Variants in PDS5A observed in about 807,000 individuals in gnomAD.
PDS5A encodes the protein sister chromatid cohesion protein PDS5 homolog A.
Under a neutral mutation model 167.1 loss-of-function variants are expected in PDS5A, and 42 were observed. That is an observed-to-expected ratio of 0.25 (90% CI 0.20 to 0.33). The LOEUF (loss-of-function observed/expected upper bound fraction) is 0.33, where lower values mean the gene tolerates loss of function less well. PDS5A is among the 10% of genes least tolerant of loss of function. The pLI is 1.00. For missense variants in PDS5A, 1,033 were observed against 1,605.9 expected (o/e 0.64, Z 6.10); for synonymous variants, 553 against 554.6 (o/e 1.00, Z 0.04).
At chr4:39,879,896 T>G in intron 17 of PDS5A, 63 bp from the exon 18 acceptor site, 2 of 956,394 alleles carry the variant, frequency 2.1e-6, no homozygotes, top group Non-Finnish European at 3.4e-6. Context: ...CTAATCACAC[T>G]GTGACAGAAC....
At chr4:39,916,523 C>G (rs562751985) in intron 8 of PDS5A, among the ~76,000 whole-genome samples, 1 of 152,208 alleles carries the variant, frequency 6.6e-6, no homozygotes, top group African/African-American at 2.4e-5. Flanking sequence ...TTTTTCCTAT[C>G]TATTGCTTGT....
chr4:39,829,706 C>T (rs1715647262), intron 32 of PDS5A, among the ~76,000 whole-genome samples: 1 of 151,016 alleles, frequency 6.6e-6, no homozygotes, highest in Non-Finnish European at 1.5e-5. Flanking sequence ...AATCCCGGCA[C>T]TTTTGGAGGC....
chr4:39,919,410 C>G (rs1044305812), intron 7 of PDS5A, among the ~76,000 whole-genome samples: 1 of 152,184 alleles, frequency 6.6e-6, no homozygotes, highest in Non-Finnish European at 1.5e-5. Context: ...CTTTGGGAGG[C>G]TGAGGCAGGC....
chr4:39,867,065 AATTAG>A lies in PDS5A; in HGVS notation c.2506-73_2506-69del, dbSNP rs1480926140. ...TTCCAATTAAAGGGAAAATTAATTT[AATTAG>A]ATTAATGAGATTACTCATCTCCATC... On this transcript the variant is annotated intron_variant, in intron 22 of 32. Coordinates refer to ENST00000303538, the MANE Select transcript of PDS5A (RefSeq NM_001100399.2). 2.2e-5 allele frequency: 28 copies of A among 1,259,656 alleles called. No individual in the cohort carries two copies. The Admixed American group carries it at 2.9e-4, about 13-fold the overall frequency. The allele number at this position is 1,259,656 out of a possible 1,614,324, so 78.0% of individuals were successfully genotyped here. A position where few individuals can be genotyped will look rare whatever the true frequency, so the allele number is the denominator to read the frequency against.
chr4:39,840,919 T>G (rs1252108005), intron 31 of PDS5A, among the ~76,000 whole-genome samples: 1 of 150,744 alleles, frequency 6.6e-6, no homozygotes, highest in Non-Finnish European at 1.5e-5. Context: ...CATGCCTGGC[T>G]AATATTTTGT....
chr4:39,904,108 A>G lies in PDS5A; in HGVS notation c.1317T>C (p.Ala439=). Residue 439 remains alanine (A), a synonymous_variant, in exon 12 of 33, where the codon GCT becomes GCC. Transcript: ENST00000303538. ...CCTTTATCCAGCTGACTTTCTCTGC[A>G]GCTTCCTTTCCTGCTTCACCATGAA... The part of the protein sequence containing the change: ...YCLHGEAGKE[A]AEKVSWIKDK... 1 of 1,612,184 alleles carries G rather than the reference A, an allele frequency of 6.2e-7. No homozygotes were observed. Among genetic ancestry groups the G allele is most frequent in the Non-Finnish European group, 8.5e-7 (1 of 1,178,612 alleles).
chr4:39,866,628 T>C (rs1205580692), intron 23 of PDS5A, among the ~76,000 whole-genome samples: 1 of 152,218 alleles, frequency 6.6e-6, no homozygotes, highest in East Asian at 1.9e-4. Flanking sequence ...ATAGTGATTA[T>C]GATTATGTAT....
At chr4:39,863,129 A>G (rs1719137246) in intron 24 of PDS5A, 56 bp from the exon 25 acceptor site, 1 of 1,343,198 alleles carries the variant, frequency 7.4e-7, no homozygotes, top group Non-Finnish European at 1.1e-6. Context: ...AAAAAACAGC[A>G]GTTTAAGTAT....
chr4:39,885,634 G>A (rs1721384661), intron 17 of PDS5A, among the ~76,000 whole-genome samples: 2 of 151,966 alleles, frequency 1.3e-5, no homozygotes, highest in South Asian at 4.1e-4. Context: ...ATAAAAAAGG[G>A]CTGCGTATAG....
chr4:39,920,657 A>G (rs1302328395), intron 6 of PDS5A, among the ~76,000 whole-genome samples: 4 of 152,236 alleles, frequency 2.6e-5, no homozygotes, highest in Admixed American at 1.3e-4. Flanking sequence ...CAAAAGCACA[A>G]CACTATATTG....
At chr4:39,975,023 G>A (rs1730945644) in intron 2 of PDS5A, among the ~76,000 whole-genome samples, 1 of 150,578 alleles carries the variant, frequency 6.6e-6, no homozygotes, top group Non-Finnish European at 1.5e-5. Flanking sequence ...AGGCAGAATT[G>A]CTTGAACCCG....
In PDS5A at chr4:39,842,907, T is replaced by TATATATATATATATATATATA. The variant is rs1560419555; in HGVS notation, c.3549-852_3549-851insTATATATATATATATATATAT. 4.5e-3 allele frequency among the ~76,000 whole-genome samples: 129 copies of TATATATATATATATATATATA among 28,394 alleles called. 3 individuals are homozygous for TATATATATATATATATATATA. Among genetic ancestry groups the TATATATATATATATATATATA allele is most frequent in the South Asian group, 0.018 (18 of 992 alleles). 18.6% of individuals were successfully genotyped at this position (28,394 alleles called of 152,430 possible). A position where few individuals can be genotyped will look rare whatever the true frequency, so the allele number is the denominator to read the frequency against. On this transcript the variant is annotated intron_variant, in intron 30 of 32. Coordinates refer to ENST00000303538, the MANE Select transcript of PDS5A (RefSeq NM_001100399.2). ...TTAGAACAATGTAAACTTATCCTAT[T>TATATATATATATATATATATA]TTTATATATATATATATATATATAT... is the stretch of plus-strand genomic sequence containing the variant.
chr4:39,966,110 T>C (rs1729944815), intron 2 of PDS5A, among the ~76,000 whole-genome samples: 1 of 152,180 alleles, frequency 6.6e-6, no homozygotes, highest in Non-Finnish European at 1.5e-5. Flanking sequence ...AGGACATGAT[T>C]TTAAGAAATC....
In PDS5A at chr4:39,958,876, C is replaced by T. The variant is rs138093394; in HGVS notation, c.138+17564G>A. Reference sequence around the variant, plus strand: ...CACCTGCCTTGGCCTCCTAAAGTGCCGGTATTATAGGCATGAGCCACTGCG... The same window carrying T: ...CACCTGCCTTGGCCTCCTAAAGTGCTGGTATTATAGGCATGAGCCACTGCG... On this transcript the variant is annotated intron_variant, in intron 2 of 32. Transcript: ENST00000303538. 7.5e-3 allele frequency among the ~76,000 whole-genome samples: 1,141 copies of T among 152,078 alleles called. 9 individuals carry two copies. The highest frequency in any genetic ancestry group is 0.013 in the Non-Finnish European group (874 of 67,978).
chr4:39,829,931 A>G (rs890826232), intron 32 of PDS5A, among the ~76,000 whole-genome samples: 5 of 124,428 alleles, frequency 4.0e-5, no homozygotes, highest in African/African-American at 6.3e-5. Context: ...AGCCTGGGCG[A>G]CAGACTGAGA....
At chr4:39,950,624 G>T (rs1182032997) in intron 2 of PDS5A, among the ~76,000 whole-genome samples, 1 of 151,990 alleles carries the variant, frequency 6.6e-6, no homozygotes, top group Non-Finnish European at 1.5e-5. Context: ...TTGCTCTGTC[G>T]CCCAGACTGG....
intron 26 of PDS5A, among the ~76,000 whole-genome samples, chr4:39,850,165 G>A (rs1578602585): frequency 6.6e-6 from 1 of 151,772 alleles, no homozygotes; most frequent in African/African-American, 2.4e-5. Context: ...CCGGCTACTC[G>A]GGAGGCTGAG....
At chr4:39,929,655 A>G (rs1725826489) in intron 2 of PDS5A, among the ~76,000 whole-genome samples, 1 of 148,010 alleles carries the variant, frequency 6.8e-6, no homozygotes, top group African/African-American at 2.5e-5. Flanking sequence ...TGTCCCTCTA[A>G]GAGAACCCTA....
chr4:39,935,039 T>C (rs1238351970), intron 2 of PDS5A, among the ~76,000 whole-genome samples: 1 of 152,196 alleles, frequency 6.6e-6, no homozygotes, highest in Non-Finnish European at 1.5e-5. Flanking sequence ...TATCAATTAT[T>C]TTCTTTTATG....
Sources: allele counts gnomAD v4.1 joint callset (sites outside exome capture counted in the v4.1 genomes callset), GRCh38; gene constraint gnomAD v4.1.1; transcripts MANE v1.5; gene names NCBI Gene and HGNC (gene_info 2026-07-23, HGNC 2026-07-21).